UNC80: variants seen among roughly 807,000 people sequenced by gnomAD.
UNC80 encodes the protein unc-80 subunit of NALCN channel complex.
Under a neutral mutation model 384.6 loss-of-function variants are expected in UNC80, and 164 were observed. The observed-to-expected ratio is 0.43, with a 90% CI of 0.38 to 0.49. The LOEUF (loss-of-function observed/expected upper bound fraction) is 0.49, where lower values mean the gene tolerates loss of function less well. Ranked by LOEUF, UNC80 falls within the 20% of genes least tolerant of loss-of-function variation. The pLI is 0.00. For missense variants in UNC80, 3,330 were observed against 4,143.0 expected (o/e 0.80, Z 5.39); for synonymous variants, 1,486 against 1,527.8 (o/e 0.97, Z 0.64).
chr2:209,954,183 T>C lies in UNC80; in HGVS notation c.7370T>C (p.Val2457Ala). Residue 2457 changes from valine (V) to alanine (A), a missense_variant, in exon 48 of 65, where the codon GTA (valine) becomes GCA (alanine). Coordinates refer to ENST00000673920, the MANE Select transcript of UNC80 (RefSeq NM_001371986.1). ...AGGCAGACATCACAGGTGGAGACAGTACCTGCTGCCCGAGAGGAGATTGCG... is the reference window on the plus strand; with the variant it reads ...AGGCAGACATCACAGGTGGAGACAGCACCTGCTGCCCGAGAGGAGATTGCG... ...LKRQTSQVET[V>A]PAAREEIAAT... 1 of 1,551,188 alleles carries C rather than the reference T, an allele frequency of 6.4e-7. No homozygotes were observed. The highest frequency in any genetic ancestry group is 8.7e-7 in the Non-Finnish European group (1 of 1,146,948).
At chr2:209,949,559 C>A (rs970799430) in intron 47 of UNC80, among the ~76,000 whole-genome samples, 1 of 151,898 alleles carries the variant, frequency 6.6e-6, no homozygotes, top group Non-Finnish European at 1.5e-5. Flanking sequence ...CTCACTGCAA[C>A]CTCTGCCTCC....
At chr2:209,818,896 C>A in intron 11 of UNC80, 97 bp from the exon 12 acceptor site, 1 of 1,348,644 alleles carries the variant, frequency 7.4e-7, no homozygotes, top group Non-Finnish European at 1.0e-6. Flanking sequence ...AAAACTACAG[C>A]TGTTATTGTG....
chr2:209,809,588 G>A (rs2079185251), intron 7 of UNC80: 1 of 780,640 alleles, frequency 1.3e-6, no homozygotes, highest in Non-Finnish European at 2.2e-6. Context: ...TGACCCTAGA[G>A]GCTCCCTCTT....
intron 22 of UNC80, among the ~76,000 whole-genome samples, chr2:209,853,593 G>A (rs577776885): frequency 1.0e-3 from 159 of 151,908 alleles, no homozygotes; most frequent in South Asian, 7.9e-3. Context: ...ATTTTAGAAA[G>A]GATTGATTTC....
chr2:209,785,500 G>A (rs2077374249), intron 4 of UNC80, among the ~76,000 whole-genome samples: 1 of 152,090 alleles, frequency 6.6e-6, no homozygotes, highest in African/African-American at 2.4e-5. Context: ...GAGGGAAGGA[G>A]GATGCTTGAT....
At chr2:209,921,724 C>T in intron 34 of UNC80, 38 bp downstream of exon 34, 1 of 1,505,106 alleles carries the variant, frequency 6.6e-7, no homozygotes, top group Non-Finnish European at 8.9e-7. Context: ...GGGGCTGAGT[C>T]TCAGGGAAAT....
intron 23 of UNC80, among the ~76,000 whole-genome samples, chr2:209,874,870 C>T (rs1162104266): frequency 6.6e-6 from 1 of 152,094 alleles, no homozygotes; most frequent in African/African-American, 2.4e-5. Flanking sequence ...CTCAAGTAAA[C>T]ACATTGCCAC....
In UNC80 at chr2:209,817,006, T is replaced by C; in HGVS notation, c.1433T>C (p.Leu478Pro). Residue 478 changes from leucine to proline, a missense_variant, in exon 10 of 65, where the codon CTT (leucine) becomes CCT (proline). Physicochemically the swap from Leu to Pro is moderately conservative, Grantham distance 98 (BLOSUM62 -3). Around this residue, in one of 8 missense-constraint regions of UNC80, gnomAD observed 937 missense variants for 1,026.8 expected, o/e 0.91. Coordinates refer to ENST00000673920, the MANE Select transcript of UNC80 (RefSeq NM_001371986.1). Reference sequence around the variant, plus strand: ...CGGAGAATGGGAGTGCCCTTCCTGCTTCACGAGGACCACCTGGATGTGTCC... The same window carrying C: ...CGGAGAATGGGAGTGCCCTTCCTGCCTCACGAGGACCACCTGGATGTGTCC... ...RPRRMGVPFL[L>P]HEDHLDVSPT... 6.4e-7 allele frequency: 1 copy of C among 1,551,738 alleles called. No homozygotes were observed. Among genetic ancestry groups the C allele is most frequent in the Non-Finnish European group, 8.7e-7 (1 of 1,147,008 alleles).
chr2:209,866,488 C>CACACACACA (rs1559226539), intron 22 of UNC80, among the ~76,000 whole-genome samples: 1 of 106,694 alleles, frequency 9.4e-6, no homozygotes, highest in Non-Finnish European at 1.9e-5. Flanking sequence ...CAAAATGCAC[C>CACACACACA]CCCACACACA....
chr2:209,895,873 G>A (rs1340544864), intron 27 of UNC80, among the ~76,000 whole-genome samples: 1 of 152,154 alleles, frequency 6.6e-6, no homozygotes, highest in Non-Finnish European at 1.5e-5. Flanking sequence ...GCAAAGCCTG[G>A]TGGCTAGAGC....
At chr2:209,832,930 G>A (rs577878875) in intron 16 of UNC80, among the ~76,000 whole-genome samples, 1 of 152,138 alleles carries the variant, frequency 6.6e-6, no homozygotes. Context: ...GCCTGGGGAG[G>A]TTCCACAGGT....
intron 6 of UNC80, among the ~76,000 whole-genome samples, chr2:209,791,627 T>C (rs896765371): frequency 6.6e-6 from 1 of 151,958 alleles, no homozygotes; most frequent in Admixed American, 6.6e-5. Flanking sequence ...AAGACCATCC[T>C]GGCTAACACG....
At chr2:209,880,307 A>C (rs1243939995) in intron 24 of UNC80, among the ~76,000 whole-genome samples, 1 of 152,240 alleles carries the variant, frequency 6.6e-6, no homozygotes, top group Non-Finnish European at 1.5e-5. Context: ...TATTCTGCAG[A>C]GCAAAAGAGA....
chr2:209,984,894 C>A lies in UNC80; in HGVS notation c.9296C>A (p.Ala3099Asp). ...NVLDDSQGLAAEGSLSRVASI... is the reference protein window; with the variant it reads ...NVLDDSQGLADEGSLSRVASI... ...CTCGATGACTCCCAGGGCCTGGCCG[C>A]CGAGGGCAGCCTCTCTAGGTACAGT... Residue 3099 changes from alanine (A) to aspartate (D), a missense_variant, in exon 61 of 65, where the codon GCC becomes GAC. By Grantham distance (126) the Ala-to-Asp change is moderately radical (BLOSUM62 -2). Coordinates refer to ENST00000673920, the MANE Select transcript of UNC80 (RefSeq NM_001371986.1). 6.4e-7 allele frequency: 1 copy of A among 1,551,012 alleles called. No individual in the cohort carries two copies. The highest frequency in any genetic ancestry group is 8.7e-7 in the Non-Finnish European group (1 of 1,146,686).
intron 13 of UNC80, among the ~76,000 whole-genome samples, chr2:209,823,619 A>G (rs2080295247): frequency 6.6e-6 from 1 of 152,072 alleles, no homozygotes. Flanking sequence ...CTCCAGAGGA[A>G]AGCAGCGCCC....
chr2:209,834,865 T>A, intron 17 of UNC80, 47 bp from the exon 18 acceptor site: 1 of 1,464,826 alleles, frequency 6.8e-7, no homozygotes, highest in Non-Finnish European at 9.3e-7. Flanking sequence ...GTATTAAGAC[T>A]TGCTATCCTG....
At chr2:209,864,957 C>G (rs1025477964) in intron 22 of UNC80, among the ~76,000 whole-genome samples, 13 of 152,216 alleles carry the variant, frequency 8.5e-5, no homozygotes, top group Admixed American at 1.3e-4. Context: ...GGTTGCGATG[C>G]TAGGCTCTGG....
intron 47 of UNC80, among the ~76,000 whole-genome samples, chr2:209,948,691 G>A (rs2092020802): frequency 6.6e-6 from 1 of 152,142 alleles, no homozygotes. Flanking sequence ...AAATGGAATA[G>A]AAGTGATGAT....
chr2:209,953,607 A>T (rs1575127475), intron 47 of UNC80, among the ~76,000 whole-genome samples: 2 of 152,176 alleles, frequency 1.3e-5, no homozygotes, highest in South Asian at 2.1e-4. Context: ...GTTGGTAAGC[A>T]GGCATTGTCA....
Sources: gnomAD v4.1 joint callset for allele counts (sites outside exome capture counted in the v4.1 genomes callset) on GRCh38, gnomAD v4.1.1 for gene constraint, gnomAD v4.1.1 regional missense constraint, MANE v1.5 for transcripts, NCBI Gene and HGNC (gene_info 2026-07-23, HGNC 2026-07-21) for gene names.